PVALB: variants seen among roughly 807,000 people sequenced by gnomAD.
PVALB encodes parvalbumin alpha.
Under a neutral mutation model 10.9 loss-of-function variants are expected in PVALB, and 11 were observed. The observed-to-expected ratio is 1.01, with a 90% confidence interval of 0.63 to 1.67. The LOEUF is 1.67. PVALB is among the 40% of genes most tolerant of loss of function. The pLI is 0.00. For synonymous variants in PVALB, 57 were observed against 50.7 expected (o/e 1.12, Z -0.53); for missense variants, 131 against 136.2 (o/e 0.96, Z 0.19).
chr22:36,814,641 G>A (rs1298890223), intron 2 of PVALB, among the ~76,000 whole-genome samples: 2 of 152,188 alleles, frequency 1.3e-5, no homozygotes, highest in East Asian at 3.9e-4. Context: ...TCTCAGAGGT[G>A]GTTCTGCATC....
chr22:36,807,055 G>A, intron 3 of PVALB, among the ~76,000 whole-genome samples: 1 of 152,196 alleles, frequency 6.6e-6, no homozygotes, highest in East Asian at 1.9e-4. Context: ...CTCTCCCCTT[G>A]CTAAATCTTT....
At chr22:36,805,665 A>C (rs182991238) in intron 3 of PVALB, among the ~76,000 whole-genome samples, 1 of 152,096 alleles carries the variant, frequency 6.6e-6, no homozygotes, top group East Asian at 1.9e-4. Flanking sequence ...CAGCTTTCTC[A>C]TTTGTAAAGT....
rs929325033 is a variant in PVALB at position 36,800,826 on chromosome 22, C to T, written c.*64G>A. ...ACTGAACAGAAATGCAGGAGGGTGG[C>T]GAGAGGGGCCGAGATTGGGTGTTCA... is the stretch of plus-strand genomic sequence containing the variant. On this transcript the variant is annotated 3_prime_UTR_variant, in exon 4 of 4. Coordinates refer to ENST00000417718, the MANE Select transcript of PVALB (RefSeq NM_001315532.2). 3.2e-5 allele frequency: 48 copies of T among 1,519,044 alleles called. No homozygotes were observed. Among genetic ancestry groups the T allele is most frequent in the Non-Finnish European group, 4.4e-5 (48 of 1,093,842 alleles). The allele number at this position is 1,519,044 out of a possible 1,614,324, so 94.1% of individuals were successfully genotyped here.
chr22:36,815,149 T>G lies in PVALB; in HGVS notation c.148A>C (p.Met50Leu), dbSNP rs867094109. The G allele has an allele frequency of 6.2e-7, 1 of 1,614,232 alleles. No individual in the cohort carries two copies. Among genetic ancestry groups the G allele is most frequent in the Non-Finnish European group, 8.5e-7 (1 of 1,180,042 alleles). The change falls in exon 2 of 4, where the codon ATG becomes CTG. Residue 50 changes from methionine to leucine, a missense_variant. Transcript: ENST00000417718. ...AAGCCACTTTTGTCCTTGTCCAGCA[T>G]GTGAAACACCTTCTTCACATCATCC... The part of the protein sequence containing the change: ...SADDVKKVFH[M>L]LDKDKSGFIE...
intron 3 of PVALB, 136 bp downstream of exon 3, chr22:36,813,509 TG>T (rs1286321105): frequency 1.4e-6 from 1 of 693,978 alleles, no homozygotes; most frequent in East Asian, 2.5e-5. Flanking sequence ...CCTAATGGAC[TG>T]CTTTTTGTCT....
At chr22:36,806,208 A>G (rs568465904) in intron 3 of PVALB, among the ~76,000 whole-genome samples, 1 of 152,310 alleles carries the variant, frequency 6.6e-6, no homozygotes, top group Admixed American at 6.5e-5. Context: ...ACATGAAAGG[A>G]CAGCAGTACT....
chr22:36,808,621 T>C (rs1338625367), intron 3 of PVALB, among the ~76,000 whole-genome samples: 3 of 152,194 alleles, frequency 2.0e-5, no homozygotes, highest in African/African-American at 7.2e-5. Flanking sequence ...AATGCAAAAG[T>C]GTGGGCTCCA....
chr22:36,819,172 G>A (rs147586056), upstream of PVALB, among the ~76,000 whole-genome samples: 1,571 of 152,208 alleles, frequency 0.01, 23 homozygotes, highest in African/African-American at 0.037. Flanking sequence ...CAGCCCTCTC[G>A]TTCTAAGGCT....
At chr22:36,805,545 G>A (rs186104254) in intron 3 of PVALB, among the ~76,000 whole-genome samples, 3 of 152,176 alleles carry the variant, frequency 2.0e-5, no homozygotes, top group South Asian at 4.2e-4. Flanking sequence ...TCCTGCCTCC[G>A]CCCTGGCACC....
chr22:36,813,590 G>T (rs563857443), intron 3 of PVALB, 56 bp downstream of exon 3: 37 of 1,422,778 alleles, frequency 2.6e-5, no homozygotes, highest in South Asian at 1.2e-5. Flanking sequence ...CAAACTTTTC[G>T]CATCCAACAC....
chr22:36,815,391 G>T, intron 1 of PVALB, 156 bp from the exon 2 acceptor site: 1 of 995,758 alleles, frequency 1.0e-6, no homozygotes, highest in Non-Finnish European at 1.5e-6. Flanking sequence ...AGGGAGCCCG[G>T]GCAAGGGAGG....
At chr22:36,811,653 T>C (rs977363037) in intron 3 of PVALB, 3 of 419,864 alleles carry the variant, frequency 7.1e-6, no homozygotes, top group African/African-American at 6.2e-5. Context: ...CAGTCAGCCA[T>C]GAAGACCCAG....
intron 3 of PVALB, among the ~76,000 whole-genome samples, chr22:36,801,724 C>T (rs1938868476): frequency 6.6e-6 from 1 of 152,148 alleles, no homozygotes; most frequent in Non-Finnish European, 1.5e-5. Context: ...TGCTTGATCC[C>T]AGAAGGCAGA....
At chr22:36,802,338 C>T (rs1272819775) in intron 3 of PVALB, among the ~76,000 whole-genome samples, 2 of 151,372 alleles carry the variant, frequency 1.3e-5, no homozygotes, top group Non-Finnish European at 2.9e-5. Flanking sequence ...CACGGTGGCT[C>T]GCTCCTGTAA....
Position 36,808,880 on chromosome 22 carries a change from A to C in PVALB, c.304+4766T>G, listed in dbSNP as rs571123345. Among the ~76,000 whole-genome samples the C allele has an allele frequency of 1.1e-4, 17 of 152,174 alleles. No homozygotes were observed. The East Asian group carries it at 3.3e-3, about 29-fold the overall frequency. The stretch of plus-strand genomic sequence containing the variant: ...TAGCTTCTCTTTCCTTTTCAGCCTT[A>C]AGCCCTCCCCATGTCAGCTCTGCAC... On this transcript the variant is annotated intron_variant, in intron 3 of 3. Transcript: ENST00000417718.
intron 3 of PVALB, among the ~76,000 whole-genome samples, chr22:36,809,165 C>T (rs1159743021): frequency 1.3e-5 from 2 of 152,170 alleles, no homozygotes; most frequent in Non-Finnish European, 2.9e-5. Context: ...TCCACAGATC[C>T]CCAACCTTGG....
In PVALB at chr22:36,810,217, T is replaced by A. The variant is rs550480018; in HGVS notation, c.304+3429A>T. On this transcript the variant is annotated intron_variant, in intron 3 of 3. Coordinates refer to ENST00000417718, the MANE Select transcript of PVALB (RefSeq NM_001315532.2). ...GTTTTAAAGACAAGGCACTTTATGG[T>A]CAGAGGGGCTCTGGGACATGCCCCA... Among the ~76,000 whole-genome samples, 111 of 152,300 alleles carry A rather than the reference T, an allele frequency of 7.3e-4. 1 individual carries two copies. Among genetic ancestry groups the A allele is most frequent in the Admixed American group, 2.5e-3 (39 of 15,298 alleles).
At chr22:36,818,112 T>C (rs547943463), upstream of PVALB, among the ~76,000 whole-genome samples, 24 of 151,092 alleles carry the variant, frequency 1.6e-4, no homozygotes, top group South Asian at 4.2e-4. Context: ...GGACAGGGAG[T>C]CAGGAGGCCT....
chr22:36,814,966 G>T, intron 2 of PVALB, 137 bp downstream of exon 2: 1 of 1,181,470 alleles, frequency 8.5e-7, no homozygotes, highest in Non-Finnish European at 1.2e-6. Context: ...TCGGAGCCCT[G>T]CCTTCACGCA....
Sources: gnomAD v4.1 joint callset for allele counts (sites outside exome capture counted in the v4.1 genomes callset) on GRCh38, gnomAD v4.1.1 for gene constraint, MANE v1.5 for transcripts, NCBI Gene and HGNC (gene_info 2026-07-23, HGNC 2026-07-21) for gene names.